The following NUP153 variants were observed in gnomAD, a reference collection of about 807,000 sequenced individuals.
NUP153 encodes the protein nucleoporin 153.
A neutral mutation model predicts 134.6 loss-of-function variants in NUP153; 27 were observed. The ratio of observed to expected loss-of-function variants is 0.20; its 90% CI spans 0.15 to 0.28. The LOEUF (loss-of-function observed/expected upper bound fraction) is 0.28. NUP153 is among the 10% of genes least tolerant of loss of function. The probability of loss-of-function intolerance (pLI) is 1.00; values close to 1 mark genes in which losing one functional copy is unlikely to be tolerated. For missense variants in NUP153, 1,821 were observed against 1,731.3 expected, an observed-to-expected ratio of 1.05 and a Z score of -0.92; for synonymous variants, 640 against 623.5, an observed-to-expected ratio of 1.03 and a Z score of -0.40.
rs553602882 is a variant in NUP153 at position 17,682,412 on chromosome 6, G to A, written c.334+5984C>T. ...TTTCTTAAAATAAGACAACAATGAA[G>A]TTTGCCTCATCGACTGACTATTCCT... On this transcript the variant is annotated intron_variant, in intron 2 of 21. Transcript: ENST00000262077. 1.9e-4 allele frequency among the ~76,000 whole-genome samples: 29 copies of A among 152,172 alleles called. 1 individual carries two copies. The South Asian group carries it at 4.8e-3, about 25-fold the overall frequency.
intron 14 of NUP153, among the ~76,000 whole-genome samples, chr6:17,645,303 CTTTTTT>C (rs373424400): frequency 2.0e-5 from 3 of 146,526 alleles, no homozygotes; most frequent in African/African-American, 7.5e-5. Context: ...TCATTTCTTT[CTTTTTT>C]TTTGAGATAG....
chr6:17,694,983 A>AAG (rs1769546039), intron 1 of NUP153, among the ~76,000 whole-genome samples: 1 of 13,920 alleles, frequency 7.2e-5, no homozygotes, highest in South Asian at 4.8e-3. Context: ...TGTCTCAAGG[A>AAG]AAAAAAAAAA....
chr6:17,676,544 A>G (rs1035574963), intron 2 of NUP153, among the ~76,000 whole-genome samples: 1 of 152,192 alleles, frequency 6.6e-6, no homozygotes, highest in Non-Finnish European at 1.5e-5. Context: ...CATTTTCAAA[A>G]ACTTTAGAAT....
At chr6:17,640,108 C>A in intron 14 of NUP153, 44 bp from the exon 15 acceptor site, 1 of 1,379,944 alleles carries the variant, frequency 7.2e-7, no homozygotes, top group Non-Finnish European at 9.7e-7. Flanking sequence ...AAATAAAACA[C>A]TGGACTCTCA....
intron 16 of NUP153, among the ~76,000 whole-genome samples, chr6:17,635,707 A>AT: frequency 6.6e-6 from 1 of 152,310 alleles, no homozygotes; most frequent in Non-Finnish European, 1.5e-5. Context: ...CCTATTGCCT[A>AT]TATGATTGAT....
chr6:17,675,742 A>G lies in NUP153; in HGVS notation c.363T>C (p.Asn121=). 1 of 1,613,864 alleles carries G rather than the reference A, an allele frequency of 6.2e-7. No homozygotes were observed. Among genetic ancestry groups the G allele is most frequent in the Non-Finnish European group, 8.5e-7 (1 of 1,179,716 alleles). Residue 121 remains asparagine, a synonymous_variant, in exon 3 of 22, where the codon AAT becomes AAC. Transcript: ENST00000262077. The surrounding 1 kb of genome is among the most constrained non-coding windows in gnomAD (Gnocchi z 4.4). The stretch of plus-strand genomic sequence containing the variant: ...AAGGCCTTGTTAACACATCTGGATA[A>G]TTTGAAGCAGTACTAGTTGTTGAAG... ...EEPSTTSTAS[N]YPDVLTRPSL...
intron 5 of NUP153, among the ~76,000 whole-genome samples, chr6:17,672,907 AGGC>A (rs1185667186): frequency 1.3e-5 from 2 of 152,210 alleles, no homozygotes; most frequent in Non-Finnish European, 2.9e-5. Flanking sequence ...AATGAATCAT[AGGC>A]ATAAATTAAA....
At chr6:17,619,665 G>C (rs1264391019) in intron 20 of NUP153, 1 of 152,074 alleles carries the variant, frequency 6.6e-6, no homozygotes, top group Non-Finnish European at 1.5e-5. Flanking sequence ...AAATTAAAGA[G>C]AACACAAACA....
intron 5 of NUP153, among the ~76,000 whole-genome samples, chr6:17,669,784 C>T (rs964320960): frequency 1.4e-4 from 21 of 152,110 alleles, no homozygotes; most frequent in South Asian, 2.1e-4. Flanking sequence ...AATGATAAGA[C>T]AGCATGCACC....
At chr6:17,636,268 G>C (rs1454957383) in intron 16 of NUP153, among the ~76,000 whole-genome samples, 1 of 151,486 alleles carries the variant, frequency 6.6e-6, no homozygotes, top group Non-Finnish European at 1.5e-5. Context: ...CTGGGAGATG[G>C]AGGTCTCAGT....
intron 16 of NUP153, among the ~76,000 whole-genome samples, chr6:17,634,305 T>C (rs940783858): frequency 6.6e-5 from 10 of 152,172 alleles, no homozygotes; most frequent in Admixed American, 3.9e-4. Context: ...CCCTGTAAGT[T>C]AGCGGACTTT....
intron 2 of NUP153, among the ~76,000 whole-genome samples, chr6:17,678,418 AAC>A (rs892269780): frequency 3.3e-5 from 5 of 151,882 alleles, no homozygotes; most frequent in African/African-American, 1.2e-4. Flanking sequence ...TTAAGGAAGT[AAC>A]AGTTTCTAAA....
intron 11 of NUP153, among the ~76,000 whole-genome samples, chr6:17,660,222 G>T (rs1767099056): frequency 6.6e-6 from 1 of 152,110 alleles, no homozygotes; most frequent in Admixed American, 6.6e-5. Flanking sequence ...ACATGATTTT[G>T]TTTCTGTCAA....
In NUP153 at chr6:17,706,116, C is replaced by A; in HGVS notation, c.111+161G>T. ...GCTGGGCCTGTCTCAGCCCACTTCCCGTCGCCACCCCCAACGGCCTGAGCT... is the reference window on the plus strand; with the variant it reads ...GCTGGGCCTGTCTCAGCCCACTTCCAGTCGCCACCCCCAACGGCCTGAGCT... On this transcript the variant is annotated intron_variant, in intron 1 of 21. Coordinates refer to ENST00000262077, the MANE Select transcript of NUP153 (RefSeq NM_005124.4). The surrounding 1 kb of genome is among the most constrained non-coding windows in gnomAD (Gnocchi z 5.9). The A allele has an allele frequency of 1.6e-6, 1 of 628,962 alleles. No homozygotes were observed. The allele number at this position is 628,962 out of a possible 1,614,324, so 39.0% of individuals were successfully genotyped here.
intron 15 of NUP153, 144 bp downstream of exon 15, chr6:17,639,795 T>C (rs1765743019): frequency 1.5e-6 from 1 of 651,952 alleles, no homozygotes; most frequent in Non-Finnish European, 2.4e-6. Context: ...AGCAAAAGAA[T>C]TACACCTAAC....
rs1298187603 is a variant in NUP153, at chr6:17,706,186, C to T, written c.111+91G>A. On this transcript the variant is annotated intron_variant, in intron 1 of 21. Coordinates refer to ENST00000262077, the MANE Select transcript of NUP153 (RefSeq NM_005124.4). The surrounding 1 kb of genome is among the most constrained non-coding windows in gnomAD (Gnocchi z 5.9). The stretch of plus-strand genomic sequence containing the variant: ...GCCTTTCCTCAGGCCCTCCTGTCTG[C>T]TCCACGTGGGGCGCCGGGGCCTCGA... 2 of 1,045,258 alleles carry T rather than the reference C, an allele frequency of 1.9e-6. No homozygotes were observed. The highest frequency in any genetic ancestry group is 1.3e-5 in the South Asian group (1 of 77,056). The allele number at this position is 1,045,258 out of a possible 1,614,324, so 64.7% of individuals were successfully genotyped here. A position where few individuals can be genotyped will look rare whatever the true frequency, so the allele number is the denominator to read the frequency against.
intron 16 of NUP153, among the ~76,000 whole-genome samples, chr6:17,634,440 C>T (rs988976308): frequency 1.1e-4 from 16 of 142,004 alleles, no homozygotes; most frequent in African/African-American, 3.9e-4. Context: ...GCCTTACATA[C>T]ATTTTTTTTT....
intron 12 of NUP153, among the ~76,000 whole-genome samples, chr6:17,648,411 G>A (rs1056565724): frequency 6.6e-5 from 10 of 152,162 alleles, no homozygotes; most frequent in Non-Finnish European, 1.2e-4. Context: ...GAAGTCAGGA[G>A]TTCAAGATCA....
At position 17,649,454 on chromosome 6, in the gene NUP153, A is replaced by G. The variant is rs1311485280; in HGVS notation, c.1396-154T>C. On this transcript the variant is annotated intron_variant, in intron 11 of 21. Transcript: ENST00000262077. ...TCAGAAAAACTGAACATGATTTTTA[A>G]TCCCAGCTGTGCCACCAACCAGCCA... is the stretch of plus-strand genomic sequence containing the variant. Among the ~76,000 whole-genome samples, 8 of 152,338 alleles carry G rather than the reference A, an allele frequency of 5.3e-5. No individual in the cohort carries two copies. The East Asian group carries it at 1.5e-3, about 29-fold the overall frequency.
Sources: allele counts gnomAD v4.1 joint callset (sites outside exome capture counted in the v4.1 genomes callset), GRCh38; gene constraint gnomAD v4.1.1; non-coding constraint Gnocchi (gnomAD v3.1); transcripts MANE v1.5; gene names NCBI Gene and HGNC (gene_info 2026-07-23, HGNC 2026-07-21).